The following NELL1 variants were observed in gnomAD, a reference collection of about 807,000 sequenced individuals.
NELL1 encodes the protein neural EGFL like 1.
NELL1 carries 76 observed loss-of-function variants against 107.4 expected under a neutral mutation model. That is an observed-to-expected ratio of 0.71 (90% CI 0.59 to 0.86). The LOEUF (loss-of-function observed/expected upper bound fraction) is 0.86, where lower values mean the gene tolerates loss of function less well. Among genes scored for constraint, NELL1 ranks in the 40% least tolerant of loss-of-function variants. The pLI is 0.00. For synonymous variants in NELL1, 353 were observed against 341.2 expected, an observed-to-expected ratio of 1.03 and a Z score of -0.38; for missense variants, 1,024 against 1,005.5, an observed-to-expected ratio of 1.02 and a Z score of -0.25.
At chr11:21,229,540 C>T (rs1857988467) in intron 14 of NELL1, 86 bp downstream of exon 14, 5 of 1,556,476 alleles carry the variant, frequency 3.2e-6, no homozygotes, top group South Asian at 1.1e-5. Context: ...CTTGGTAACT[C>T]TTGGTGGAAC....
intron 12 of NELL1, among the ~76,000 whole-genome samples, chr11:21,057,175 A>G (rs1229017474): frequency 6.6e-6 from 1 of 152,234 alleles, no homozygotes; most frequent in Admixed American, 6.5e-5. Context: ...GGGCAAAACA[A>G]AACACATAAG....
chr11:20,907,232 CAAA>C (rs5790146), intron 5 of NELL1, among the ~76,000 whole-genome samples: 25 of 124,936 alleles, frequency 2.0e-4, no homozygotes, highest in African/African-American at 6.9e-4. Context: ...GACTCCATCT[CAAA>C]AAAAAAAAAA....
Position 21,039,429 on chromosome 11 carries a change from AC to A in NELL1, c.1301-74158del, listed in dbSNP as rs548709035. ...TTAAACTCCTGACCTCAGGTGATCC[AC>A]CTGCCTTGGCCTCCCAAAGTGCTGG... On this transcript the variant is annotated intron_variant, in intron 12 of 19. Transcript: ENST00000357134. 9.9e-5 allele frequency among the ~76,000 whole-genome samples: 15 copies of A among 152,140 alleles called. No homozygotes were observed. In the South Asian group the frequency reaches 3.1e-3, roughly 32 times the overall value.
intron 15 of NELL1, among the ~76,000 whole-genome samples, chr11:21,382,591 G>C (rs1401199610): frequency 6.6e-6 from 1 of 151,820 alleles, no homozygotes; most frequent in East Asian, 1.9e-4. Flanking sequence ...AATGGGGGAA[G>C]AAATGTCATT....
chr11:21,437,115 T>C (rs1463027396), intron 15 of NELL1, among the ~76,000 whole-genome samples: 2 of 152,270 alleles, frequency 1.3e-5, no homozygotes, highest in South Asian at 2.1e-4. Context: ...TCTGCAAATA[T>C]CTGTTAAGGC....
intron 5 of NELL1, among the ~76,000 whole-genome samples, chr11:20,897,008 G>A (rs1015395549): frequency 2.0e-4 from 30 of 152,200 alleles, no homozygotes; most frequent in Middle Eastern, 6.8e-3. Context: ...TATAGATTCA[G>A]TGCCATCCCC....
At chr11:21,398,353 A>T (rs1247348712) in intron 15 of NELL1, among the ~76,000 whole-genome samples, 1 of 151,638 alleles carries the variant, frequency 6.6e-6, no homozygotes, top group Non-Finnish European at 1.5e-5. Flanking sequence ...TGTTCCTCCT[A>T]TTCTGGCAAT....
At chr11:21,486,598 C>A (rs1018422188) in intron 15 of NELL1, among the ~76,000 whole-genome samples, 8 of 152,010 alleles carry the variant, frequency 5.3e-5, no homozygotes, top group African/African-American at 1.4e-4. Context: ...TGGAAAGAGA[C>A]ACAGTAATTC....
chr11:20,736,759 C>A (rs560525715), intron 2 of NELL1, among the ~76,000 whole-genome samples: 43 of 147,760 alleles, frequency 2.9e-4, no homozygotes, highest in African/African-American at 9.4e-4. Flanking sequence ...CTTCCTCTCT[C>A]CTTTCATTTT....
chr11:20,751,003 T>G (rs1200783148), intron 2 of NELL1, among the ~76,000 whole-genome samples: 1 of 151,472 alleles, frequency 6.6e-6, no homozygotes, highest in Non-Finnish European at 1.5e-5. Context: ...TTCATTGACT[T>G]TGTCAAAAAT....
chr11:21,544,998 T>C (rs1856401440), intron 16 of NELL1, among the ~76,000 whole-genome samples: 1 of 151,968 alleles, frequency 6.6e-6, no homozygotes, highest in South Asian at 2.1e-4. Flanking sequence ...CCAATATATG[T>C]CTATTTGTGT....
intron 14 of NELL1, among the ~76,000 whole-genome samples, chr11:21,245,980 C>T (rs1858480485): frequency 6.6e-6 from 1 of 152,114 alleles, no homozygotes; most frequent in African/African-American, 2.4e-5. Flanking sequence ...TGACAGCAAT[C>T]ATCTGGTCCA....
chr11:21,211,276 C>T (rs74428689), intron 13 of NELL1, among the ~76,000 whole-genome samples: 9,630 of 151,878 alleles, frequency 0.063, 387 homozygotes, highest in Non-Finnish European at 0.094. Flanking sequence ...GCGGATATTA[C>T]GTAGGATGAA....
At chr11:21,270,927 G>T (rs1489709784) in intron 14 of NELL1, among the ~76,000 whole-genome samples, 1 of 151,740 alleles carries the variant, frequency 6.6e-6, no homozygotes, top group East Asian at 1.9e-4. Flanking sequence ...GTAACCTATG[G>T]GTCAAAACAG....
At chr11:21,184,948 T>G in intron 13 of NELL1, among the ~76,000 whole-genome samples, 1 of 151,874 alleles carries the variant, frequency 6.6e-6, no homozygotes, top group African/African-American at 2.4e-5. Context: ...TCAGATACAG[T>G]ATTTTGTTGT....
At chr11:21,455,647 A>G (rs778091966) in intron 15 of NELL1, among the ~76,000 whole-genome samples, 8 of 151,974 alleles carry the variant, frequency 5.3e-5, no homozygotes, top group Non-Finnish European at 1.2e-4. Context: ...TTTTGAGATT[A>G]TTTTGTTAAT....
At chr11:21,011,689 C>T (rs1852450691) in intron 12 of NELL1, among the ~76,000 whole-genome samples, 1 of 152,088 alleles carries the variant, frequency 6.6e-6, no homozygotes, top group African/African-American at 2.4e-5. Context: ...CTTAGGTTTC[C>T]ATCTTTGTGC....
At chr11:21,073,487 A>G (rs1040146066) in intron 12 of NELL1, among the ~76,000 whole-genome samples, 1 of 152,182 alleles carries the variant, frequency 6.6e-6, no homozygotes, top group East Asian at 1.9e-4. Flanking sequence ...GTCCTTGTGT[A>G]ATGGCTTAGT....
At chr11:21,481,443 T>G (rs1854489295) in intron 15 of NELL1, among the ~76,000 whole-genome samples, 1 of 152,176 alleles carries the variant, frequency 6.6e-6, no homozygotes, top group Admixed American at 6.5e-5. Flanking sequence ...ATAATGGTCT[T>G]CAAGGATGAT....
Sources: gnomAD v4.1 joint callset for allele counts (sites outside exome capture counted in the v4.1 genomes callset) on GRCh38, gnomAD v4.1.1 for gene constraint, MANE v1.5 for transcripts, NCBI Gene and HGNC (gene_info 2026-07-23, HGNC 2026-07-21) for gene names.